Variants in LRP1B observed in about 807,000 individuals in gnomAD.
The protein encoded by LRP1B is low-density lipoprotein receptor-related protein 1B.
In LRP1B, 217 loss-of-function variants were observed where a neutral mutation model predicts 556.6. The ratio of observed to expected loss-of-function variants is 0.39; its 90% CI spans 0.35 to 0.44. The LOEUF is 0.44. Ranked by LOEUF, LRP1B falls within the 20% of genes least tolerant of loss-of-function variation. The pLI is 1.00. For missense variants in LRP1B, 5,053 were observed against 5,620.8 expected, an observed-to-expected ratio of 0.90 and a Z score of 3.23; for synonymous variants, 2,047 against 1,865.8, an observed-to-expected ratio of 1.10 and a Z score of -2.50.
intron 2 of LRP1B, among the ~76,000 whole-genome samples, chr2:141,704,108 T>C (rs2105467065): frequency 6.6e-6 from 1 of 151,984 alleles, no homozygotes; most frequent in Middle Eastern, 3.4e-3. Flanking sequence ...ATGAGAAAAA[T>C]GAAAAATGAG....
chr2:141,175,063 G>C (rs1680677766), intron 7 of LRP1B, among the ~76,000 whole-genome samples: 1 of 152,066 alleles, frequency 6.6e-6, no homozygotes, highest in Non-Finnish European at 1.5e-5. Context: ...GATATCTGGT[G>C]GAAGAAATTT....
At chr2:141,563,115 T>A (rs1460083814) in intron 2 of LRP1B, among the ~76,000 whole-genome samples, 1 of 151,964 alleles carries the variant, frequency 6.6e-6, no homozygotes. Context: ...ATTAGGTGAT[T>A]GTTAGAACCT....
chr2:141,254,709 G>T, intron 3 of LRP1B, 68 bp from the exon 4 acceptor site: 1 of 1,280,062 alleles, frequency 7.8e-7, no homozygotes, highest in Non-Finnish European at 1.1e-6. Flanking sequence ...ATTTCTCAGT[G>T]TACAATCCTT....
chr2:140,536,311 TAAAAAAAAAAAAAAA>T (rs70988404), intron 46 of LRP1B, among the ~76,000 whole-genome samples: 3 of 61,894 alleles, frequency 4.8e-5, no homozygotes, highest in South Asian at 1.1e-3. Flanking sequence ...CCCGTCTCTT[TAAAAAAAAAAAAAAA>T]AAAAAAAAAA....
At chr2:140,679,213 G>A (rs1165328102) in intron 41 of LRP1B, among the ~76,000 whole-genome samples, 1 of 152,136 alleles carries the variant, frequency 6.6e-6, no homozygotes, top group Non-Finnish European at 1.5e-5. Context: ...CACCCATTAT[G>A]ACCTCATTTT....
intron 1 of LRP1B, among the ~76,000 whole-genome samples, chr2:142,048,129 G>GT (rs1704323463): frequency 6.6e-6 from 1 of 152,022 alleles, no homozygotes; most frequent in East Asian, 1.9e-4. Context: ...CAGATTTGCT[G>GT]AAGCACCTCT....
At chr2:141,546,270 A>AT (rs1226009072) in intron 2 of LRP1B, among the ~76,000 whole-genome samples, 1 of 152,126 alleles carries the variant, frequency 6.6e-6, no homozygotes, top group African/African-American at 2.4e-5. Context: ...TGGGGGAGGC[A>AT]TGTAGGCACC....
chr2:141,438,886 T>C (rs373046276), intron 3 of LRP1B, among the ~76,000 whole-genome samples: 2 of 152,172 alleles, frequency 1.3e-5, no homozygotes, highest in African/African-American at 4.8e-5. Flanking sequence ...GTTAGACATA[T>C]GTTTACTATC....
In LRP1B at chr2:140,388,620, G is replaced by A. The variant is rs144367598; in HGVS notation, c.10415-2611C>T. ...AAAGTTATACAAATTTTATGTTTCC[G>A]AGTTATTTAACTTTTTGATCCATGA... On this transcript the variant is annotated intron_variant, in intron 66 of 90. Coordinates refer to ENST00000389484, the MANE Select transcript of LRP1B (RefSeq NM_018557.3). 2.8e-4 allele frequency among the ~76,000 whole-genome samples: 43 copies of A among 152,126 alleles called. No homozygotes were observed. In the East Asian group the frequency reaches 7.9e-3, roughly 28 times the overall value.
At chr2:140,669,683 A>G (rs1277025957) in intron 41 of LRP1B, among the ~76,000 whole-genome samples, 1 of 152,084 alleles carries the variant, frequency 6.6e-6, no homozygotes, top group Non-Finnish European at 1.5e-5. Flanking sequence ...GTTTTTTCCC[A>G]GTCTACCATG....
chr2:140,519,089 T>C (rs1215302106), intron 49 of LRP1B, among the ~76,000 whole-genome samples: 2 of 152,112 alleles, frequency 1.3e-5, no homozygotes, highest in African/African-American at 4.8e-5. Context: ...ATGACTTTCT[T>C]CACAGAATTG....
Position 140,541,834 on chromosome 2 carries a change from G to A in LRP1B, c.7332C>T (p.Ser2444=), listed in dbSNP as rs376385168. 1.8e-5 allele frequency: 29 copies of A among 1,612,490 alleles called. No individual in the cohort carries two copies. The East Asian group carries it at 2.7e-4, about 15-fold the overall frequency. Residue 2444 remains serine, a synonymous_variant, in exon 44 of 91, where the codon TCC becomes TCT. Transcript: ENST00000389484. ...YTGGDTKILR[S]DIPHQPMGII... is the part of the protein sequence containing the mutation. ...TTCCCATTGGCTGATGTGGAATATC[G>A]GAACGAAGAATTTTTGTATCTCCTC...
intron 7 of LRP1B, among the ~76,000 whole-genome samples, chr2:141,075,379 T>G (rs1699760191): frequency 6.6e-6 from 1 of 152,184 alleles, no homozygotes; most frequent in Non-Finnish European, 1.5e-5. Flanking sequence ...TTAGTGTTCT[T>G]TCATATTTTT....
intron 3 of LRP1B, among the ~76,000 whole-genome samples, chr2:141,345,330 G>A (rs1362515417): frequency 6.6e-6 from 1 of 152,110 alleles, no homozygotes; most frequent in Non-Finnish European, 1.5e-5. Context: ...CCATTAAGTT[G>A]TGGTAATCTG....
intron 1 of LRP1B, among the ~76,000 whole-genome samples, chr2:142,040,830 A>G (rs2105214651): frequency 6.6e-6 from 1 of 151,360 alleles, no homozygotes; most frequent in East Asian, 2.0e-4. Context: ...TCTTTTCAAA[A>G]TGGATTGACT....
chr2:140,856,996 T>C (rs983723722), intron 27 of LRP1B, among the ~76,000 whole-genome samples: 2 of 152,204 alleles, frequency 1.3e-5, no homozygotes, highest in African/African-American at 4.8e-5. Flanking sequence ...AATGTGTTAA[T>C]TGTGCAATCA....
chr2:141,073,011 T>C (rs962997224), intron 7 of LRP1B, among the ~76,000 whole-genome samples: 1 of 152,090 alleles, frequency 6.6e-6, no homozygotes, highest in African/African-American at 2.4e-5. Context: ...AACTTCTCCT[T>C]TTCTACTAAA....
chr2:140,270,101 T>C lies in LRP1B; in HGVS notation c.13247+141A>G, dbSNP rs1357788381. 3.4e-5 allele frequency: 21 copies of C among 609,048 alleles called. No individual in the cohort carries two copies. In the Admixed American group the frequency reaches 4.2e-4, roughly 12 times the overall value. 37.7% of individuals were successfully genotyped at this position (609,048 alleles called of 1,614,324 possible). A position where few individuals can be genotyped will look rare whatever the true frequency, so the allele number is the denominator to read the frequency against. On this transcript the variant is annotated intron_variant, in intron 86 of 90. Transcript: ENST00000389484. Reference sequence around the variant, plus strand: ...AAAGGAGATTCTGCAGCACATGAGCTGATGAGGGACAATACTTGATCAGAG... The same window carrying C: ...AAAGGAGATTCTGCAGCACATGAGCCGATGAGGGACAATACTTGATCAGAG...
chr2:141,609,589 C>A (rs1688034044), intron 2 of LRP1B, among the ~76,000 whole-genome samples: 1 of 152,148 alleles, frequency 6.6e-6, no homozygotes, highest in Non-Finnish European at 1.5e-5. Context: ...CTTTTTAAAT[C>A]ATGACTGTAT....
Sources: gnomAD v4.1 joint callset for allele counts (sites outside exome capture counted in the v4.1 genomes callset) on GRCh38, gnomAD v4.1.1 for gene constraint, MANE v1.5 for transcripts, NCBI Gene and HGNC (gene_info 2026-07-23, HGNC 2026-07-21) for gene names.